ACTR3B: variants seen among roughly 807,000 people sequenced by gnomAD.
ACTR3B encodes actin-related protein 3B.
Under a neutral mutation model 59.0 loss-of-function variants are expected in ACTR3B, and 8 were observed. The ratio of observed to expected loss-of-function variants is 0.14; its 90% CI spans 0.08 to 0.24. The LOEUF is 0.24. ACTR3B is among the 10% of genes least tolerant of loss of function. The pLI is 1.00. For missense variants in ACTR3B, 245 were observed against 552.3 expected (o/e 0.44, Z 5.58); for synonymous variants, 148 against 197.9 (o/e 0.75, Z 2.12).
intron 1 of ACTR3B, among the ~76,000 whole-genome samples, chr7:152,777,322 C>CA (rs1371995571): frequency 7.3e-5 from 11 of 151,444 alleles, no homozygotes; most frequent in South Asian, 2.1e-4. Context: ...AAACAAAAAA[C>CA]AAAAAAAACA....
intron 2 of ACTR3B, among the ~76,000 whole-genome samples, chr7:152,796,983 G>T (rs1325524204): frequency 2.0e-5 from 3 of 148,344 alleles, no homozygotes; most frequent in East Asian, 4.0e-4. Flanking sequence ...CACCCAAAGT[G>T]CTGGGATTAC....
intron 1 of ACTR3B, among the ~76,000 whole-genome samples, 187 bp downstream of exon 1, chr7:152,760,113 C>T (rs1016044432): frequency 6.6e-6 from 1 of 152,288 alleles, no homozygotes; most frequent in Non-Finnish European, 1.5e-5. Flanking sequence ...ACCCCCTCTT[C>T]CCTGCCGGGA....
chr7:152,823,007 G>A (rs1168682928), intron 7 of ACTR3B, among the ~76,000 whole-genome samples: 1 of 152,242 alleles, frequency 6.6e-6, no homozygotes, highest in Non-Finnish European at 1.5e-5. Context: ...CAGGCCATAG[G>A]AGGCATCTGA....
At chr7:152,810,807 C>T (rs888229650) in intron 4 of ACTR3B, 1 of 150,646 alleles carries the variant, frequency 6.6e-6, no homozygotes, top group Non-Finnish European at 1.5e-5. Context: ...GAGGCAGAGG[C>T]AGGAGAATTG....
chr7:152,773,502 G>A (rs1193513055), intron 1 of ACTR3B, among the ~76,000 whole-genome samples: 1 of 151,962 alleles, frequency 6.6e-6, no homozygotes, highest in African/African-American at 2.4e-5. Flanking sequence ...CAGGAGAATC[G>A]CTTGAACCCG....
rs1291301914 is a variant in ACTR3B, at chr7:152,786,567, A to C, written c.100+3325A>C. The C allele has an allele frequency of 3.2e-5, 5 of 157,138 alleles. No individual in the cohort carries two copies. In the East Asian group the frequency reaches 7.7e-4, roughly 24 times the overall value. 9.7% of individuals were successfully genotyped at this position (157,138 alleles called of 1,614,324 possible). On this transcript the variant is annotated intron_variant, in intron 2 of 11. Transcript: ENST00000256001. The stretch of plus-strand genomic sequence containing the variant: ...GGTTCCGTCTCGAAAAAAAAAAAAA[A>C]ACAAAAAACAAACAAACCCCACACA...
At chr7:152,809,097 G>T (rs2098261431) in intron 4 of ACTR3B, among the ~76,000 whole-genome samples, 2 of 151,308 alleles carry the variant, frequency 1.3e-5, no homozygotes, top group East Asian at 3.9e-4. Context: ...GCCCGAGTAG[G>T]CGCATTGAAA....
At chr7:152,768,826 C>T (rs2098117264) in intron 1 of ACTR3B, among the ~76,000 whole-genome samples, 2 of 151,326 alleles carry the variant, frequency 1.3e-5, no homozygotes, top group Non-Finnish European at 2.9e-5. Context: ...ATATGAACTA[C>T]CTTATTAATT....
At chr7:152,852,374 C>T (rs944133063) in intron 10 of ACTR3B, 123 bp downstream of exon 10, 10 of 1,230,818 alleles carry the variant, frequency 8.1e-6, no homozygotes, top group African/African-American at 4.6e-5. Flanking sequence ...GTGTTCATCG[C>T]TTTCTGAGCT....
At chr7:152,849,052 G>C (rs1020307709) in intron 9 of ACTR3B, among the ~76,000 whole-genome samples, 1 of 152,206 alleles carries the variant, frequency 6.6e-6, no homozygotes, top group Non-Finnish European at 1.5e-5. Flanking sequence ...GGCGAGGGGC[G>C]TCAGGGGGCT....
chr7:152,812,070 G>A lies in ACTR3B; in HGVS notation c.337-2480G>A, dbSNP rs1303088916. ...TTTTGAGACGGAGTCTTACTCCATC[G>A]CCCAGGCTGGAATGCAGTGGTGCGA... On this transcript the variant is annotated intron_variant, in intron 4 of 11. Transcript: ENST00000256001. 8 of 56,414 alleles carry A rather than the reference G, an allele frequency of 1.4e-4. 1 individual carries two copies. The highest frequency in any genetic ancestry group is 4.0e-4 in the African/African-American group (8 of 20,188). The allele number at this position is 56,414 out of a possible 1,614,324, so 3.5% of individuals were successfully genotyped here. A position where few individuals can be genotyped will look rare whatever the true frequency, so the allele number is the denominator to read the frequency against.
rs554357585 is a variant in ACTR3B, at chr7:152,852,905, C to T, written c.1078-589C>T. On this transcript the variant is annotated intron_variant, in intron 10 of 11. Coordinates refer to ENST00000256001, the MANE Select transcript of ACTR3B (RefSeq NM_020445.6). ...CTCCTGGGTTCACACCATTCTCCTG[C>T]CTCAGCCTATTGAGTAGCTGGGACT... Among the ~76,000 whole-genome samples, 6 of 152,176 alleles carry T rather than the reference C, an allele frequency of 3.9e-5. No homozygotes were observed. The South Asian group carries it at 1.2e-3, about 32-fold the overall frequency.
chr7:152,767,018 C>T (rs890053415), intron 1 of ACTR3B, among the ~76,000 whole-genome samples: 1 of 151,194 alleles, frequency 6.6e-6, no homozygotes, highest in Non-Finnish European at 1.5e-5. Flanking sequence ...AAACTCCTGA[C>T]CTCAGGTGAT....
chr7:152,833,837 GA>G (rs1356146562), intron 9 of ACTR3B, among the ~76,000 whole-genome samples: 10 of 152,194 alleles, frequency 6.6e-5, no homozygotes, highest in Admixed American at 3.3e-4. Context: ...TTAAAATGGA[GA>G]TTTTTATTTG....
chr7:152,831,876 C>T (rs1797060588), intron 9 of ACTR3B, among the ~76,000 whole-genome samples: 1 of 152,110 alleles, frequency 6.6e-6, no homozygotes, highest in Non-Finnish European at 1.5e-5. Flanking sequence ...AACTGGGGCT[C>T]CGAGGAAAGA....
chr7:152,791,752 A>G (rs1350870427), intron 2 of ACTR3B, among the ~76,000 whole-genome samples: 1 of 152,130 alleles, frequency 6.6e-6, no homozygotes, highest in Non-Finnish European at 1.5e-5. Flanking sequence ...CTCTCCCTCT[A>G]CTGTTCCTAA....
Position 152,823,369 on chromosome 7 carries a change from A to G in ACTR3B, c.712A>G (p.Ile238Val), listed in dbSNP as rs746950776. 37 of 1,614,122 alleles carry G rather than the reference A, an allele frequency of 2.3e-5. No homozygotes were observed. The highest frequency in any genetic ancestry group is 1.0e-4 in the Admixed American group (6 of 60,006). The change falls in exon 8 of 12, where the codon ATA (isoleucine) becomes GTA (valine). Residue 238 changes from isoleucine (I) to valine (V), a missense_variant. Physicochemically the swap from Ile to Val is conservative, Grantham distance 29. Coordinates refer to ENST00000256001, the MANE Select transcript of ACTR3B (RefSeq NM_020445.6). ...GAAATACTGTTACATTTGCCCCGAT[A>G]TAGTCAAGGAATTTGCCAAGTATGA... ...KEKYCYICPD[I>V]VKEFAKYDVD...
At chr7:152,825,506 G>A (rs1302175530) in intron 9 of ACTR3B, among the ~76,000 whole-genome samples, 4 of 151,826 alleles carry the variant, frequency 2.6e-5, no homozygotes, top group Admixed American at 1.3e-4. Context: ...CAGTAGAGAC[G>A]GTGTTTCACC....
intron 1 of ACTR3B, among the ~76,000 whole-genome samples, chr7:152,781,396 A>G (rs2098153453): frequency 6.6e-6 from 1 of 151,954 alleles, no homozygotes; most frequent in Admixed American, 6.6e-5. Flanking sequence ...ACAACTGGTG[A>G]GAATACATTG....
Sources: allele counts gnomAD v4.1 joint callset (sites outside exome capture counted in the v4.1 genomes callset), GRCh38; gene constraint gnomAD v4.1.1; transcripts MANE v1.5; gene names NCBI Gene and HGNC (gene_info 2026-07-23, HGNC 2026-07-21).